CFAP20DC: variants seen among roughly 807,000 people sequenced by gnomAD.
The protein encoded by CFAP20DC is CFAP20 domain containing, also known as protein CFAP20DC.
CFAP20DC carries 84 observed loss-of-function variants against 101.7 expected under a neutral mutation model. The ratio of observed to expected loss-of-function variants is 0.83; its 90% confidence interval spans 0.69 to 0.99. CFAP20DC has a LOEUF of 0.99. Among genes scored for constraint, CFAP20DC ranks in the 50% least tolerant of loss-of-function variants. The probability of loss-of-function intolerance (pLI) is 0.00; values close to 1 mark genes in which losing one functional copy is unlikely to be tolerated. For synonymous variants in CFAP20DC, 359 were observed against 351.2 expected (o/e 1.02, Z -0.25); for missense variants, 1,007 against 970.3 (o/e 1.04, Z -0.50).
chr3:58,763,539 G>A (rs1367321977), intron 15 of CFAP20DC, among the ~76,000 whole-genome samples: 11 of 152,120 alleles, frequency 7.2e-5, no homozygotes, highest in African/African-American at 1.9e-4. Context: ...TTCTCAACTC[G>A]TCAAAGTCAT....
chr3:59,008,117 G>T (rs905138126), intron 4 of CFAP20DC, among the ~76,000 whole-genome samples: 1 of 152,108 alleles, frequency 6.6e-6, no homozygotes, highest in Non-Finnish European at 1.5e-5. Flanking sequence ...CAGGGTGAGT[G>T]CAGCCCCACA....
chr3:58,732,553 G>C lies in CFAP20DC; in HGVS notation c.198-14925C>G, dbSNP rs563460020. Among the ~76,000 whole-genome samples the C allele has an allele frequency of 6.6e-6, 1 of 152,142 alleles. No individual in the cohort carries two copies. Among genetic ancestry groups the C allele is most frequent in the Non-Finnish European group, 1.5e-5 (1 of 68,034 alleles). On this transcript the variant is annotated intron_variant, in intron 3 of 3. Coordinates refer to the CFAP20DC transcript ENST00000486145. The surrounding 1 kb of genome is among the most constrained non-coding windows in gnomAD (Gnocchi z 5.4). ...TATAGTGCACACTATTTTAGAGGCTGACATGTACAGTTCTTTTTCCAGCTC... is the reference window on the plus strand; with the variant it reads ...TATAGTGCACACTATTTTAGAGGCTCACATGTACAGTTCTTTTTCCAGCTC...
In CFAP20DC at chr3:58,721,303, T is replaced by G. The variant is rs545547581; in HGVS notation, c.198-3675A>C. Among the ~76,000 whole-genome samples the G allele has an allele frequency of 3.3e-5, 5 of 152,180 alleles. No homozygotes were observed. The highest frequency in any genetic ancestry group is 6.5e-5 in the Admixed American group (1 of 15,272). On this transcript the variant is annotated intron_variant, in intron 3 of 3. Coordinates refer to the CFAP20DC transcript ENST00000486145. The surrounding 1 kb of genome is among the most constrained non-coding windows in gnomAD (Gnocchi z 5.2). ...GATTGTGTACTTCTGGGTGCATGTGTTGGGGCAGGGGTTATCAATGGTCAC... is the reference window on the plus strand; with the variant it reads ...GATTGTGTACTTCTGGGTGCATGTGGTGGGGCAGGGGTTATCAATGGTCAC...
chr3:58,911,596 A>G lies in CFAP20DC; in HGVS notation c.550+2112T>C, dbSNP rs537320748. 2.0e-5 allele frequency among the ~76,000 whole-genome samples: 3 copies of G among 152,264 alleles called. No individual in the cohort carries two copies. The East Asian group carries it at 5.8e-4, about 29-fold the overall frequency. ...TTCTGCATGTTTCTATATGTATATA[A>G]AATCTATAATATAGTAACACTTATA... On this transcript the variant is annotated intron_variant, in intron 6 of 16. Transcript: ENST00000482387.
chr3:58,863,253 C>T lies in CFAP20DC; in HGVS notation c.1593+305G>A. 1 of 1,377,366 alleles carries T rather than the reference C, an allele frequency of 7.3e-7. No individual in the cohort carries two copies. Among genetic ancestry groups the T allele is most frequent in the Non-Finnish European group, 9.3e-7 (1 of 1,072,730 alleles). The allele number at this position is 1,377,366 out of a possible 1,614,324, so 85.3% of individuals were successfully genotyped here. A position where few individuals can be genotyped will look rare whatever the true frequency, so the allele number is the denominator to read the frequency against. On this transcript the variant is annotated intron_variant, in intron 12 of 16. Coordinates refer to ENST00000482387, the MANE Select transcript of CFAP20DC (RefSeq NM_001394063.1). The surrounding 1 kb of genome is among the most constrained non-coding windows in gnomAD (Gnocchi z 5.9). ...CTCAGTGTTTTACTGGTCTTGCTAT[C>T]ATAGCACTAAACTGCATATCGTTTC...
chr3:58,814,805 G>T (rs1270710853), intron 14 of CFAP20DC, among the ~76,000 whole-genome samples: 1 of 151,122 alleles, frequency 6.6e-6, no homozygotes, highest in Non-Finnish European at 1.5e-5. Flanking sequence ...TACAAGGGAT[G>T]TGAAGGACCT....
At position 58,882,006 on chromosome 3, in the gene CFAP20DC, C is replaced by A. The variant is rs981944359; in HGVS notation, c.715+2539G>T. Among the ~76,000 whole-genome samples, 1 of 152,088 alleles carries A rather than the reference C, an allele frequency of 6.6e-6. No individual in the cohort carries two copies. The highest frequency in any genetic ancestry group is 2.4e-5 in the African/African-American group (1 of 41,434). ...AAAAGTATTTACAGAAAGAGAACCA[C>A]AAAGTGCAATTTATGTTTGTGTAAT... On this transcript the variant is annotated intron_variant, in intron 7 of 16. Coordinates refer to ENST00000482387, the MANE Select transcript of CFAP20DC (RefSeq NM_001394063.1). This position sits in a 1 kb window ranked among gnomAD's most constrained non-coding sequence, Gnocchi z 4.2.
intron 10 of CFAP20DC, among the ~76,000 whole-genome samples, chr3:58,866,994 G>A (rs925631221): frequency 6.6e-6 from 1 of 151,774 alleles, no homozygotes; most frequent in East Asian, 1.9e-4. Flanking sequence ...TTTTTCCCTT[G>A]GGTTCCACAT....
intron 15 of CFAP20DC, among the ~76,000 whole-genome samples, chr3:58,762,163 TG>T (rs1177013105): frequency 2.6e-5 from 4 of 152,174 alleles, no homozygotes; most frequent in African/African-American, 9.7e-5. Context: ...TATTATTGTG[TG>T]GGAGTCTAAG....
chr3:58,794,029 CACTT>C (rs1197003887), intron 15 of CFAP20DC, among the ~76,000 whole-genome samples: 3 of 152,188 alleles, frequency 2.0e-5, no homozygotes, highest in East Asian at 1.9e-4. Flanking sequence ...AATTCTAACT[CACTT>C]ACTTTCATCA....
At chr3:58,937,479 C>T (rs2087867685) in intron 5 of CFAP20DC, among the ~76,000 whole-genome samples, 169 bp downstream of exon 5, 1 of 152,148 alleles carries the variant, frequency 6.6e-6, no homozygotes, top group Non-Finnish European at 1.5e-5. Context: ...TTACGTTATT[C>T]CACTTAGATG....
intron 15 of CFAP20DC, among the ~76,000 whole-genome samples, chr3:58,757,113 T>C (rs907363563): frequency 6.6e-5 from 10 of 152,234 alleles, no homozygotes; most frequent in Non-Finnish European, 1.0e-4. Context: ...GATAAATGTA[T>C]ACTTGTCTTT....
At chr3:58,895,649 ATTTTCAGGTATC>A (rs1354553081) in intron 6 of CFAP20DC, among the ~76,000 whole-genome samples, 1 of 152,094 alleles carries the variant, frequency 6.6e-6, no homozygotes, top group African/African-American at 2.4e-5. Context: ...TTGTTTCTAC[ATTTTCAGGTATC>A]TTTTCAGCAG....
At chr3:58,929,045 A>C (rs2086293154) in intron 5 of CFAP20DC, among the ~76,000 whole-genome samples, 1 of 152,152 alleles carries the variant, frequency 6.6e-6, no homozygotes, top group Non-Finnish European at 1.5e-5. Flanking sequence ...TTATAGTTTA[A>C]ATACTAAATT....
chr3:58,993,701 C>A (rs1189497422), intron 4 of CFAP20DC, among the ~76,000 whole-genome samples: 2 of 152,172 alleles, frequency 1.3e-5, no homozygotes, highest in African/African-American at 4.8e-5. Flanking sequence ...TCTGTTCCTG[C>A]ATTAGTTTGC....
intron 15 of CFAP20DC, 85 bp from the exon 16 acceptor site, chr3:58,753,948 C>T: frequency 1.2e-6 from 1 of 864,302 alleles, no homozygotes; most frequent in Non-Finnish European, 1.8e-6. Flanking sequence ...TTCCTTGGGG[C>T]TTCCAAAAAG....
intron 14 of CFAP20DC, among the ~76,000 whole-genome samples, chr3:58,819,518 A>G (rs2075456496): frequency 1.3e-5 from 2 of 150,024 alleles, no homozygotes; most frequent in South Asian, 4.3e-4. Flanking sequence ...AAACACCTCT[A>G]CGCAAATAAA....
Position 58,870,217 on chromosome 3 carries a change from G to A in CFAP20DC, c.808C>T (p.Pro270Ser). The A allele has an allele frequency of 6.2e-7, 1 of 1,614,098 alleles. No individual in the cohort carries two copies. Among genetic ancestry groups the A allele is most frequent in the Non-Finnish European group, 8.5e-7 (1 of 1,180,022 alleles). Residue 270 changes from proline to serine, a missense_variant, in exon 8 of 17, where the codon CCT (proline) becomes TCT (serine). Pro to Ser is a moderately conservative substitution (Grantham distance 74, BLOSUM62 -1). Coordinates refer to ENST00000482387, the MANE Select transcript of CFAP20DC (RefSeq NM_001394063.1). ...IAFGSKVLGP[P>S]PLSGRRNNMK... The stretch of plus-strand genomic sequence containing the variant: ...TTATTCCTTCTGCCAGAGAGTGGAG[G>A]TGGCCCAAGAACTTTGGATCCAAAT...
intron 4 of CFAP20DC, among the ~76,000 whole-genome samples, chr3:59,025,182 G>A (rs1171866933): frequency 6.6e-6 from 1 of 152,140 alleles, no homozygotes; most frequent in East Asian, 1.9e-4. Flanking sequence ...AGGACTTCTT[G>A]CAGTTGTCTT....
Sources: allele counts gnomAD v4.1 joint callset (sites outside exome capture counted in the v4.1 genomes callset), GRCh38; gene constraint gnomAD v4.1.1; non-coding constraint Gnocchi (gnomAD v3.1); transcripts MANE v1.5; gene names NCBI Gene and HGNC (gene_info 2026-07-23, HGNC 2026-07-21).